ATG2B: variants seen among roughly 807,000 people sequenced by gnomAD.
ATG2B encodes autophagy-related protein 2 homolog B.
ATG2B carries 121 observed loss-of-function variants against 241.3 expected under a neutral mutation model. The observed-to-expected ratio is 0.50, with a 90% CI of 0.43 to 0.58. The LOEUF (loss-of-function observed/expected upper bound fraction) is 0.58, where lower values mean the gene tolerates loss of function less well. Ranked by LOEUF, ATG2B falls within the 20% of genes least tolerant of loss-of-function variation. The pLI, the probability that ATG2B is intolerant of heterozygous loss-of-function variation, is 0.00. For missense variants in ATG2B, 2,306 were observed against 2,491.6 expected, an observed-to-expected ratio of 0.93 and a Z score of 1.59; for synonymous variants, 858 against 876.6, an observed-to-expected ratio of 0.98 and a Z score of 0.37.
At chr14:96,308,239 T>TATATATATATAC (rs1566719609) in intron 29 of ATG2B, among the ~76,000 whole-genome samples, 530 of 17,438 alleles carry the variant, frequency 0.03, 16 homozygotes, top group Non-Finnish European at 0.056. Flanking sequence ...TACATATATA[T>TATATATATATAC]ATATATATAT....
Position 96,332,601 on chromosome 14 carries a change from G to A in ATG2B, c.1262C>T (p.Ser421Phe), listed in dbSNP as rs1468102350. The change falls in exon 9 of 42, where the codon TCT becomes TTT. Residue 421 changes from serine (S) to phenylalanine (F), a missense_variant. By Grantham distance (155) the Ser-to-Phe change is radical. Coordinates refer to ENST00000359933, the MANE Select transcript of ATG2B (RefSeq NM_018036.7). The stretch of plus-strand genomic sequence containing the variant: ...TGGGGGGTCCCCAAGGGGTGGAAGA[G>A]AAGAGAGACTATGAGACATGTCCAT... ...ADMDMSHSLSSLPPLGDPPNM... is the reference protein window; with the variant it reads ...ADMDMSHSLSFLPPLGDPPNM... The A allele has an allele frequency of 1.9e-6, 3 of 1,608,530 alleles. No individual in the cohort carries two copies. The highest frequency in any genetic ancestry group is 1.7e-6 in the Non-Finnish European group (2 of 1,178,168).
chr14:96,329,780 T>C lies in ATG2B; in HGVS notation c.1731-146A>G, dbSNP rs1211730073. 4 of 542,526 alleles carry C rather than the reference T, an allele frequency of 7.4e-6. No individual in the cohort carries two copies. In the African/African-American group the frequency reaches 7.8e-5, roughly 11 times the overall value. 33.6% of individuals were successfully genotyped at this position (542,526 alleles called of 1,614,324 possible). ...GCTTCAAATTTCCCTTTCCTTAAGA[T>C]AAAAAATCAGTTCTGTTGATGGGAA... is the stretch of plus-strand genomic sequence containing the variant. On this transcript the variant is annotated intron_variant, in intron 11 of 41. Coordinates refer to ENST00000359933, the MANE Select transcript of ATG2B (RefSeq NM_018036.7).
At position 96,305,677 on chromosome 14, in the gene ATG2B, C is replaced by T; in HGVS notation, c.4645G>A (p.Val1549Met). The T allele has an allele frequency of 6.2e-7, 1 of 1,614,190 alleles. No homozygotes were observed. The highest frequency in any genetic ancestry group is 8.5e-7 in the Non-Finnish European group (1 of 1,180,030). ...CAGACAAGAGAGACCTCCTTCACCA[C>T]ATAGCGAATCACAGGAATGGGAAAG... is the stretch of plus-strand genomic sequence containing the variant. ...LHFPIPVIRY[V>M]VKEVSLVWHL... Residue 1549 changes from valine to methionine, a missense_variant, in exon 31 of 42, where the codon GTG (valine) becomes ATG (methionine). Transcript: ENST00000359933.
chr14:96,348,720 G>T (rs1186524476), intron 1 of ATG2B, among the ~76,000 whole-genome samples: 1 of 151,696 alleles, frequency 6.6e-6, no homozygotes, highest in African/African-American at 2.4e-5. Context: ...CAACAAGGTG[G>T]CTACAGTCAA....
chr14:96,285,764 C>T lies in ATG2B; in HGVS notation c.6228G>A (p.Gly2076=). The T allele has an allele frequency of 6.2e-7, 1 of 1,613,802 alleles. No homozygotes were observed. Among genetic ancestry groups the T allele is most frequent in the Non-Finnish European group, 8.5e-7 (1 of 1,179,984 alleles). Residue 2076 remains glycine (G), a synonymous_variant, in exon 42 of 42, where the codon GGG becomes GGA. Transcript: ENST00000359933. The surrounding 1 kb of genome is among the most constrained non-coding windows in gnomAD (Gnocchi z 4.2). The part of the protein sequence containing the change: ...RQDESQKWRH[G]DD ...TGTCAGTTCCAAGCCATCAGTCATC[C>T]CCGTGGCGCCATTTCTGTGACTCGT... is the stretch of plus-strand genomic sequence containing the variant.
Position 96,317,153 on chromosome 14 carries a change from C to G in ATG2B, c.3202G>C (p.Asp1068His). ...INHGLIAVFT[D>H]VKQDNGDLLE... ...GGATTTGTAAACCTCACCTTCACAT[C>G]TGTGAACACTGCTATTAATCCATGA... The change falls in exon 20 of 42, where the codon GAT (aspartate) becomes CAT (histidine). Residue 1068 changes from aspartate (D) to histidine (H), a missense_variant. Physicochemically the swap from Asp to His is moderately conservative, Grantham distance 81. Around this residue, in one of 2 missense-constraint regions of ATG2B, gnomAD observed 1,927 missense variants for 2,011.2 expected, o/e 0.96. Coordinates refer to ENST00000359933, the MANE Select transcript of ATG2B (RefSeq NM_018036.7). 7 of 1,610,096 alleles carry G rather than the reference C, an allele frequency of 4.3e-6. No homozygotes were observed. Among genetic ancestry groups the G allele is most frequent in the Non-Finnish European group, 5.9e-6 (7 of 1,178,264 alleles).
intron 36 of ATG2B, among the ~76,000 whole-genome samples, chr14:96,294,278 A>T (rs1030276918): frequency 6.6e-6 from 1 of 152,254 alleles, no homozygotes; most frequent in Admixed American, 6.5e-5. Flanking sequence ...ACTGCTCCTC[A>T]TAACAAGGGG....
chr14:96,346,962 A>G (rs1888184410), intron 2 of ATG2B, among the ~76,000 whole-genome samples: 1 of 152,236 alleles, frequency 6.6e-6, no homozygotes, highest in African/African-American at 2.4e-5. Context: ...TAAATAAACC[A>G]AACAATCTGT....
chr14:96,331,129 A>G lies in ATG2B; in HGVS notation c.1730+247T>C, dbSNP rs1055015869. On this transcript the variant is annotated intron_variant, in intron 11 of 41. Transcript: ENST00000359933. ...AAGAGCTGGGCAGGGAACTAAAGAG[A>G]TCACTTTGAAAACTCCTATTATCTA... Among the ~76,000 whole-genome samples the G allele has an allele frequency of 2.0e-5, 3 of 152,382 alleles. No individual in the cohort carries two copies. The East Asian group carries it at 5.8e-4, about 29-fold the overall frequency.
Position 96,293,386 on chromosome 14 carries a change from C to A in ATG2B, c.5427-1288G>T, listed in dbSNP as rs1886541633. On this transcript the variant is annotated intron_variant, in intron 36 of 41. Transcript: ENST00000359933. The stretch of plus-strand genomic sequence containing the variant: ...CATGGCACATATTAATAGGACAAAC[C>A]ATTTATTTTAATTATTTGTAATCTC... 1.3e-5 allele frequency among the ~76,000 whole-genome samples: 2 copies of A among 152,138 alleles called. 1 individual carries two copies. The highest frequency in any genetic ancestry group is 4.1e-4 in the South Asian group (2 of 4,826).
chr14:96,315,030 G>A (rs569089532), intron 23 of ATG2B, 124 bp downstream of exon 23: 126 of 708,142 alleles, frequency 1.8e-4, no homozygotes, highest in African/African-American at 1.5e-3. Flanking sequence ...TGGTGACACC[G>A]TAGTATTCAC....
chr14:96,310,943 GT>G (rs1566720844), intron 28 of ATG2B, among the ~76,000 whole-genome samples, 173 bp downstream of exon 28: 2 of 152,118 alleles, frequency 1.3e-5, no homozygotes, highest in East Asian at 3.8e-4. Context: ...CAGCAGAATG[GT>G]TTTCCAAAAA....
intron 29 of ATG2B, among the ~76,000 whole-genome samples, chr14:96,308,251 TACACACA>T (rs1566719744): frequency 0.011 from 236 of 20,956 alleles, 11 homozygotes; most frequent in African/African-American, 0.03. Context: ...TATATATATA[TACACACA>T]TATATATATA....
chr14:96,295,023 C>T lies in ATG2B; in HGVS notation c.5363G>A (p.Gly1788Asp). 1 of 1,614,192 alleles carries T rather than the reference C, an allele frequency of 6.2e-7. No individual in the cohort carries two copies. Among genetic ancestry groups the T allele is most frequent in the Non-Finnish European group, 8.5e-7 (1 of 1,180,040 alleles). The change falls in exon 36 of 42, where the codon GGC (glycine) becomes GAC (aspartate). Residue 1788 changes from glycine to aspartate, a missense_variant. Around this residue, in one of 2 missense-constraint regions of ATG2B, gnomAD observed 379 missense variants for 480.4 expected, o/e 0.79. Transcript: ENST00000359933. ...AGCAGAGAAGTTCTTCTCTTCCATGCCATTAACCACTTCCACTGAATTGGC... is the reference window on the plus strand; with the variant it reads ...AGCAGAGAAGTTCTTCTCTTCCATGTCATTAACCACTTCCACTGAATTGGC... Reference protein sequence around the residue: ...DSANSVEVVNGMEEKNFSAEE... With the variant: ...DSANSVEVVNDMEEKNFSAEE...
At chr14:96,308,110 T>G (rs967398518) in intron 29 of ATG2B, among the ~76,000 whole-genome samples, 1 of 148,652 alleles carries the variant, frequency 6.7e-6, no homozygotes, top group African/African-American at 2.5e-5. Context: ...TCACTAAATA[T>G]TCTTTCCCAT....
intron 25 of ATG2B, 37 bp from the exon 26 acceptor site, chr14:96,312,196 T>C (rs1198530618): frequency 4.6e-6 from 7 of 1,508,312 alleles, no homozygotes; most frequent in Non-Finnish European, 6.4e-6. Context: ...TCTGAAAAAC[T>C]AAGCTTTGAG....
At chr14:96,307,179 A>C (rs1006541791) in intron 29 of ATG2B, among the ~76,000 whole-genome samples, 1 of 152,172 alleles carries the variant, frequency 6.6e-6, no homozygotes, top group African/African-American at 2.4e-5. Context: ...TAGAAGGCCG[A>C]GATGGGTGGA....
At chr14:96,343,882 A>T (rs2139896192) in intron 4 of ATG2B, among the ~76,000 whole-genome samples, 1 of 152,356 alleles carries the variant, frequency 6.6e-6, no homozygotes, top group East Asian at 1.9e-4. Flanking sequence ...TAACTGTTTT[A>T]CTAATAGGTG....
intron 16 of ATG2B, 82 bp from the exon 17 acceptor site, chr14:96,322,817 C>T: frequency 9.1e-7 from 1 of 1,093,618 alleles, no homozygotes; most frequent in South Asian, 1.5e-5. Flanking sequence ...TTAATACACA[C>T]ACCACTGGTT....
Sources: gnomAD v4.1 joint callset for allele counts (sites outside exome capture counted in the v4.1 genomes callset) on GRCh38, gnomAD v4.1.1 for gene constraint, gnomAD v4.1.1 regional missense constraint, Gnocchi (gnomAD v3.1) non-coding constraint, MANE v1.5 for transcripts, NCBI Gene and HGNC (gene_info 2026-07-23, HGNC 2026-07-21) for gene names.